SNTA1: variants seen among roughly 807,000 people sequenced by gnomAD.
SNTA1 encodes the protein alpha-1-syntrophin.
Under a neutral mutation model 47.1 loss-of-function variants are expected in SNTA1, and 31 were observed. The observed-to-expected ratio is 0.66, with a 90% CI of 0.49 to 0.89. SNTA1 has a LOEUF of 0.89. Among genes scored for constraint, SNTA1 ranks in the 40% least tolerant of loss-of-function variants. The pLI is 0.00. For missense variants in SNTA1, 575 were observed against 693.0 expected (o/e 0.83, Z 1.91); for synonymous variants, 300 against 313.6 (o/e 0.96, Z 0.46).
intron 1 of SNTA1, among the ~76,000 whole-genome samples, 187 bp downstream of exon 1, chr20:33,443,124 G>A (rs1014374819): frequency 4.0e-5 from 6 of 151,136 alleles, no homozygotes; most frequent in African/African-American, 1.5e-4. Flanking sequence ...GCCCCCTAAG[G>A]CCACCAACTA....
rs200316080 is a variant in SNTA1, at chr20:33,412,700, T to C, written c.784A>G (p.Thr262Ala). The stretch of plus-strand genomic sequence containing the variant: ...GTATTGACCTGGGCTTGGATGGCAG[T>C]CGCCCACGACCTCGCACTAGCCTCA... ...KDEASARSWA[T>A]AIQAQVNTLT... The change falls in exon 4 of 8, where the codon ACT becomes GCT. Residue 262 changes from threonine (T) to alanine (A), a missense_variant. Transcript: ENST00000217381. 2 of 1,613,692 alleles carry C rather than the reference T, an allele frequency of 1.2e-6. No individual in the cohort carries two copies. Among genetic ancestry groups the C allele is most frequent in the East Asian group, 2.2e-5 (1 of 44,870 alleles).
chr20:33,431,704 G>A (rs1002286201), intron 2 of SNTA1, among the ~76,000 whole-genome samples: 5 of 152,092 alleles, frequency 3.3e-5, no homozygotes, highest in Non-Finnish European at 4.4e-5. Flanking sequence ...AGCCGAGATC[G>A]TGCCACTGTA....
At position 33,436,826 on chromosome 20, in the gene SNTA1, C is replaced by T. The variant is rs548612172; in HGVS notation, c.496+2015G>A. ...AAATACAAAAAAAAAATTAGCCAGG[C>T]GTGGTAGTGCGCACCTGTAGTCCCA... On this transcript the variant is annotated intron_variant, in intron 2 of 7. Transcript: ENST00000217381. 2.0e-5 allele frequency among the ~76,000 whole-genome samples: 3 copies of T among 150,016 alleles called. No homozygotes were observed. The East Asian group carries it at 5.9e-4, about 29-fold the overall frequency.
In SNTA1 at chr20:33,439,110, G is replaced by C; in HGVS notation, c.311-84C>G. On this transcript the variant is annotated intron_variant, in intron 1 of 7. Transcript: ENST00000217381. Reference sequence around the variant, plus strand: ...CATCAAGACACAATTATTTCTGAAGGCTTCCCTTGGTGCCTAGCCCAGTGC... The same window carrying C: ...CATCAAGACACAATTATTTCTGAAGCCTTCCCTTGGTGCCTAGCCCAGTGC... 4.8e-6 allele frequency: 6 copies of C among 1,260,678 alleles called. No individual in the cohort carries two copies. The East Asian group carries it at 1.4e-4, about 29-fold the overall frequency. 78.1% of individuals were successfully genotyped at this position (1,260,678 alleles called of 1,614,324 possible).
intron 2 of SNTA1, among the ~76,000 whole-genome samples, chr20:33,428,763 A>C (rs1277899761): frequency 6.6e-6 from 1 of 152,076 alleles, no homozygotes; most frequent in Non-Finnish European, 1.5e-5. Flanking sequence ...TTTTTTGGCC[A>C]GGCACAGTGG....
In SNTA1 at chr20:33,417,632, G is replaced by A. The variant is rs943682671; in HGVS notation, c.701+87C>T. The A allele has an allele frequency of 5.5e-5, 52 of 953,890 alleles. No homozygotes were observed. In the East Asian group the frequency reaches 7.9e-4, roughly 15 times the overall value. The allele number at this position is 953,890 out of a possible 1,614,324, so 59.1% of individuals were successfully genotyped here. ...TGTCCTGGCATTGTGCTGGTCATTC[G>A]TACAACACAGAGGTGTCTTTCCATT... On this transcript the variant is annotated intron_variant, in intron 3 of 7. Coordinates refer to ENST00000217381, the MANE Select transcript of SNTA1 (RefSeq NM_003098.3).
intron 3 of SNTA1, among the ~76,000 whole-genome samples, chr20:33,415,862 A>T (rs1018055242): frequency 2.6e-5 from 4 of 151,846 alleles, no homozygotes; most frequent in African/African-American, 9.7e-5. Flanking sequence ...TAATCCTAGC[A>T]CTTCAGGAGG....
At position 33,441,645 on chromosome 20, in the gene SNTA1, T is replaced by A. The variant is rs76114106; in HGVS notation, c.310+1666A>T. Among the ~76,000 whole-genome samples the A allele has an allele frequency of 8.9e-4, 135 of 152,062 alleles. 1 individual carries two copies. In the East Asian group the frequency reaches 0.026, roughly 29 times the overall value. Reference sequence around the variant, plus strand: ...ACTAAGCTAGACTTTATAGGAGGGGTTACCATGGCAACAGGAGCCCAGATT... The same window carrying A: ...ACTAAGCTAGACTTTATAGGAGGGGATACCATGGCAACAGGAGCCCAGATT... On this transcript the variant is annotated intron_variant, in intron 1 of 7. Transcript: ENST00000217381.
At chr20:33,422,783 C>G (rs1990066490) in intron 2 of SNTA1, among the ~76,000 whole-genome samples, 1 of 152,138 alleles carries the variant, frequency 6.6e-6, no homozygotes. Flanking sequence ...CCAACCAACC[C>G]AGAATCAGTG....
chr20:33,433,749 C>T (rs1600859348), intron 2 of SNTA1, among the ~76,000 whole-genome samples: 3 of 152,156 alleles, frequency 2.0e-5, no homozygotes, highest in Non-Finnish European at 4.4e-5. Flanking sequence ...CTCGAAGCAG[C>T]GGACAGACAC....
chr20:33,428,886 C>T (rs1313611951), intron 2 of SNTA1, among the ~76,000 whole-genome samples: 1 of 151,690 alleles, frequency 6.6e-6, no homozygotes, highest in Non-Finnish European at 1.5e-5. Flanking sequence ...ACTAAAAATA[C>T]AAAAATTAGC....
chr20:33,433,732 C>T (rs112692869), intron 2 of SNTA1, among the ~76,000 whole-genome samples: 2,491 of 152,262 alleles, frequency 0.016, 62 homozygotes, highest in African/African-American at 0.056. Flanking sequence ...GCACACACAA[C>T]GGGCCTCTCG....
chr20:33,409,444 C>T (rs747706714), intron 6 of SNTA1, among the ~76,000 whole-genome samples: 132 of 152,048 alleles, frequency 8.7e-4, no homozygotes, highest in Admixed American at 1.7e-3. Context: ...ACATCCAAAA[C>T]AGAGGGCCCA....
intron 4 of SNTA1, 29 bp downstream of exon 4, chr20:33,412,546 G>A (rs928584149): frequency 1.2e-6 from 2 of 1,608,914 alleles, no homozygotes; most frequent in African/African-American, 2.7e-5. Context: ...GGAAGAGAGA[G>A]AGGGATAGGT....
At chr20:33,411,540 C>T (rs140867811) in intron 5 of SNTA1, among the ~76,000 whole-genome samples, 262 of 152,306 alleles carry the variant, frequency 1.7e-3, no homozygotes, top group Non-Finnish European at 3.1e-3. Context: ...TGCAGCACCT[C>T]CCCACTTCCA....
At position 33,435,476 on chromosome 20, in the gene SNTA1, T is replaced by C. The variant is rs116460630; in HGVS notation, c.496+3365A>G. On this transcript the variant is annotated intron_variant, in intron 2 of 7. Coordinates refer to ENST00000217381, the MANE Select transcript of SNTA1 (RefSeq NM_003098.3). ...ACCAGGCCGTGGTGGTGCACACCTG[T>C]AATTCCAGCTACAGAACTGAGGCAG... is the stretch of plus-strand genomic sequence containing the variant. 7.4e-3 allele frequency among the ~76,000 whole-genome samples: 1,129 copies of C among 152,114 alleles called. 10 individuals carry two copies. The highest frequency in any genetic ancestry group is 0.026 in the African/African-American group (1,067 of 41,534).
In SNTA1 at chr20:33,408,528, G is replaced by T. The variant is rs771855211; in HGVS notation, c.1497C>A (p.Thr499=). 1 of 1,613,836 alleles carries T rather than the reference G, an allele frequency of 6.2e-7. No individual in the cohort carries two copies. The highest frequency in any genetic ancestry group is 1.3e-5 in the African/African-American group (1 of 74,940). ...IIHSFLSAKV[T]RLGLLA is the part of the protein sequence containing the mutation. Reference sequence around the variant, plus strand: ...ACTTCTAGGCCAACAGCCCGAGGCGGGTGACTTTGGCCGACAGGAAGGAGT... The same window carrying T: ...ACTTCTAGGCCAACAGCCCGAGGCGTGTGACTTTGGCCGACAGGAAGGAGT... The change falls in exon 8 of 8, where the codon ACC becomes ACA. Residue 499 remains threonine, a synonymous_variant. Coordinates refer to ENST00000217381, the MANE Select transcript of SNTA1 (RefSeq NM_003098.3).
chr20:33,439,077 G>A (rs1440317626), intron 1 of SNTA1, 51 bp from the exon 2 acceptor site: 2 of 1,483,904 alleles, frequency 1.3e-6, no homozygotes, highest in Non-Finnish European at 1.9e-6. Flanking sequence ...TCCAACACTT[G>A]GGAGTCACAT....
chr20:33,443,602 C>A lies in SNTA1; in HGVS notation c.19G>T (p.Ala7Ser). The change falls in exon 1 of 8, where the codon GCC becomes TCC. Residue 7 changes from alanine (A) to serine (S), a missense_variant. Transcript: ENST00000217381. MASGRR[A>S]PRTGLLELRA... ...AGCTCCAGCAGCCCGGTGCGCGGGG[C>A]GCGCCTGCCGGACGCCATCTTCGCC... is the stretch of plus-strand genomic sequence containing the variant. 1 of 1,231,932 alleles carries A rather than the reference C, an allele frequency of 8.1e-7. No individual in the cohort carries two copies. The highest frequency in any genetic ancestry group is 1.0e-6 in the Non-Finnish European group (1 of 986,656). The allele number at this position is 1,231,932 out of a possible 1,614,324, so 76.3% of individuals were successfully genotyped here. A position where few individuals can be genotyped will look rare whatever the true frequency, so the allele number is the denominator to read the frequency against.
Sources: gnomAD v4.1 joint callset for allele counts (sites outside exome capture counted in the v4.1 genomes callset) on GRCh38, gnomAD v4.1.1 for gene constraint, MANE v1.5 for transcripts, NCBI Gene and HGNC (gene_info 2026-07-23, HGNC 2026-07-21) for gene names.